RTCA: variants seen among roughly 807,000 people sequenced by gnomAD.
RTCA encodes RNA terminal phosphate cyclase domain 1.
RTCA carries 37 observed loss-of-function variants against 46.1 expected under a neutral mutation model. The ratio of observed to expected loss-of-function variants is 0.80; its 90% CI spans 0.62 to 1.06. The LOEUF (loss-of-function observed/expected upper bound fraction) is 1.06. RTCA is among the 50% of genes least tolerant of loss of function. The probability of loss-of-function intolerance (pLI) is 0.00; values close to 1 mark genes in which losing one functional copy is unlikely to be tolerated. For missense variants in RTCA, 435 were observed against 455.5 expected (o/e 0.95, Z 0.41); for synonymous variants, 164 against 158.3 (o/e 1.04, Z -0.27).
intron 10 of RTCA, 83 bp from the exon 11 acceptor site, chr1:100,291,320 C>A: frequency 1.2e-6 from 1 of 802,640 alleles, no homozygotes; most frequent in Non-Finnish European, 2.0e-6. Context: ...TTGACATTAA[C>A]TCTCTGCCTA....
intron 4 of RTCA, among the ~76,000 whole-genome samples, chr1:100,272,470 A>G (rs1666151267): frequency 1.3e-5 from 2 of 152,180 alleles, no homozygotes; most frequent in African/African-American, 4.8e-5. Flanking sequence ...TTCTGTATCC[A>G]TCCTAGCACT....
chr1:100,283,530 G>T (rs1666835919), intron 8 of RTCA, among the ~76,000 whole-genome samples: 1 of 152,018 alleles, frequency 6.6e-6, no homozygotes, highest in South Asian at 2.1e-4. Flanking sequence ...TCAGATAAGG[G>T]TTACTCAACC....
intron 4 of RTCA, among the ~76,000 whole-genome samples, chr1:100,273,056 A>C (rs1379622660): frequency 6.6e-6 from 1 of 152,144 alleles, no homozygotes; most frequent in African/African-American, 2.4e-5. Context: ...AATGCTCTTC[A>C]CCAATACCCC....
chr1:100,267,483 A>C, intron 2 of RTCA: 1 of 1,527,244 alleles, frequency 6.5e-7, no homozygotes, highest in Non-Finnish European at 8.8e-7. Context: ...AAACAACAGA[A>C]ATTTATTTCC....
chr1:100,266,359 G>C lies in RTCA; in HGVS notation c.-17G>C. 6.2e-7 allele frequency: 1 copy of C among 1,611,606 alleles called. No individual in the cohort carries two copies. The highest frequency in any genetic ancestry group is 1.7e-5 in the Admixed American group (1 of 59,174). On this transcript the variant is annotated 5_prime_UTR_variant, in exon 1 of 11. Coordinates refer to ENST00000370128, the MANE Select transcript of RTCA (RefSeq NM_003729.4). The stretch of plus-strand genomic sequence containing the variant: ...CGGAGGCTTTGTCGCTGCGGGCTGG[G>C]CCCCAGGGTGTCCCCCATGGCGGGG...
Position 100,291,394 on chromosome 1 carries a change from T to A in RTCA, c.1000-9T>A. 6.3e-7 allele frequency: 1 copy of A among 1,588,674 alleles called. No individual in the cohort carries two copies. The highest frequency in any genetic ancestry group is 8.6e-7 in the Non-Finnish European group (1 of 1,160,676). ...TCGTATTACTTATATACTCCTCTTC[T>A]GATTTCAGGCTAAATTTATTGTGAA... On this transcript the variant is annotated splice_polypyrimidine_tract_variant and intron_variant, in intron 10 of 10. Coordinates refer to ENST00000370128, the MANE Select transcript of RTCA (RefSeq NM_003729.4).
intron 2 of RTCA, chr1:100,267,479 CAG>C (rs1243169278): frequency 6.6e-7 from 1 of 1,523,522 alleles, no homozygotes; most frequent in East Asian, 2.5e-5. Context: ...GCTTAAACAA[CAG>C]AAATTTATTT....
At position 100,292,140 on chromosome 1, in the gene RTCA, G is replaced by C. The variant is rs1481428275; in HGVS notation, c.*636G>C. The C allele has an allele frequency of 6.6e-6, 1 of 152,070 alleles. No individual in the cohort carries two copies. Among genetic ancestry groups the C allele is most frequent in the Admixed American group, 6.6e-5 (1 of 15,242 alleles). 9.4% of individuals were successfully genotyped at this position (152,070 alleles called of 1,614,324 possible). On this transcript the variant is annotated 3_prime_UTR_variant, in exon 11 of 11. Coordinates refer to ENST00000370128, the MANE Select transcript of RTCA (RefSeq NM_003729.4). ...TCACCATATTGGTCAGGCTGGTTTC[G>C]AACTCCTGACCTCGTGATCTGCCCG...
intron 3 of RTCA, among the ~76,000 whole-genome samples, chr1:100,268,555 C>T (rs1456028339): frequency 6.6e-6 from 1 of 152,042 alleles, no homozygotes; most frequent in Non-Finnish European, 1.5e-5. Context: ...AGCACCATGC[C>T]CCGCTAATTT....
intron 3 of RTCA, 28 bp downstream of exon 3, chr1:100,268,323 G>T: frequency 6.4e-7 from 1 of 1,552,458 alleles, no homozygotes; most frequent in South Asian, 1.2e-5. Context: ...TTCCATTTAA[G>T]TAACCTGGGT....
chr1:100,282,795 T>G (rs1666785175), intron 8 of RTCA, among the ~76,000 whole-genome samples: 3 of 152,222 alleles, frequency 2.0e-5, no homozygotes, highest in African/African-American at 7.2e-5. Context: ...TGAACATTAA[T>G]GAATTTCAGG....
rs1665785354 is a variant in RTCA at position 100,266,544 on chromosome 1, C to T, written c.66C>T (p.Val22=). The T allele has an allele frequency of 6.2e-7, 1 of 1,613,724 alleles. No homozygotes were observed. Among genetic ancestry groups the T allele is most frequent in the Middle Eastern group, 1.7e-4 (1 of 6,056 alleles). The change falls in exon 2 of 11, where the codon GTC becomes GTT. Residue 22 remains valine (V), a synonymous_variant. Coordinates refer to ENST00000370128, the MANE Select transcript of RTCA (RefSeq NM_003729.4). ...IMEGGGQILR[V]STALSCLLGL... ...TGCAGGGCGGCCAGATCCTGAGAGT[C>T]TCTACGGCCTTGAGCTGTCTCCTAG...
In RTCA at chr1:100,275,643, G is replaced by A; in HGVS notation, c.660G>A (p.Lys220=). The change falls in exon 7 of 11, where the codon AAG becomes AAA. Residue 220 remains lysine (K), a synonymous_variant. Coordinates refer to ENST00000370128, the MANE Select transcript of RTCA (RefSeq NM_003729.4). ...CGGCAGCAGTTAGATGCATCAGAAA[G>A]GAGATCCGGGATTTGTATGTTAACA... ...MAAAAVRCIR[K]EIRDLYVNIQ... 6.2e-7 allele frequency: 1 copy of A among 1,612,322 alleles called. No individual in the cohort carries two copies. Among genetic ancestry groups the A allele is most frequent in the Non-Finnish European group, 8.5e-7 (1 of 1,179,102 alleles).
intron 8 of RTCA, among the ~76,000 whole-genome samples, chr1:100,282,986 A>G (rs1351152837): frequency 1.3e-5 from 2 of 150,250 alleles, no homozygotes; most frequent in Non-Finnish European, 3.0e-5. Flanking sequence ...TAGTAGAGAC[A>G]GAGTTTCACC....
intron 4 of RTCA, 91 bp downstream of exon 4, chr1:100,270,771 A>T (rs1284146878): frequency 4.2e-6 from 6 of 1,427,550 alleles, no homozygotes; most frequent in Admixed American, 2.3e-5. Flanking sequence ...TTTTTTTGTG[A>T]CTTTCTTGTT....
At position 100,291,407 on chromosome 1, in the gene RTCA, A is replaced by C. The variant is rs912798320; in HGVS notation, c.1004A>C (p.Lys335Thr). 7.5e-6 allele frequency: 12 copies of C among 1,606,062 alleles called. No individual in the cohort carries two copies. The highest frequency in any genetic ancestry group is 9.4e-6 in the Non-Finnish European group (11 of 1,175,156). The part of the protein sequence containing the change: ...IHFAEQIAKA[K>T]FIVKKSEDEE... The stretch of plus-strand genomic sequence containing the variant: ...ATACTCCTCTTCTGATTTCAGGCTA[A>C]ATTTATTGTGAAGAAATCAGAAGAT... Residue 335 changes from lysine (K) to threonine (T), a missense_variant, in exon 11 of 11, where the codon AAA (lysine) becomes ACA (threonine). Physicochemically the swap from Lys to Thr is moderately conservative, Grantham distance 78 (BLOSUM62 -1). Coordinates refer to ENST00000370128, the MANE Select transcript of RTCA (RefSeq NM_003729.4).
At chr1:100,283,935 G>GAAAAAAAAAAAAAAAAAAAAAAAAA (rs763030720) in intron 8 of RTCA, among the ~76,000 whole-genome samples, 1 of 55,108 alleles carries the variant, frequency 1.8e-5, no homozygotes, top group African/African-American at 4.0e-5. Context: ...AAAAAAAAAA[G>GAAAAAAAAAAAAAAAAAAAAAAAAA]AAAAAAAAAA....
At chr1:100,286,465 A>C (rs1023175204) in intron 9 of RTCA, among the ~76,000 whole-genome samples, 9 of 150,984 alleles carry the variant, frequency 6.0e-5, no homozygotes, top group Middle Eastern at 3.2e-3. Flanking sequence ...AAAAAAAAAA[A>C]AAAAAAAAAA....
At chr1:100,289,776 C>T (rs1053714807) in intron 10 of RTCA, among the ~76,000 whole-genome samples, 2 of 152,076 alleles carry the variant, frequency 1.3e-5, no homozygotes, top group African/African-American at 4.8e-5. Context: ...GTATCTTGGT[C>T]AGCTTTGTTG....
Sources: gnomAD v4.1 joint callset for allele counts (sites outside exome capture counted in the v4.1 genomes callset) on GRCh38, gnomAD v4.1.1 for gene constraint, MANE v1.5 for transcripts, NCBI Gene and HGNC (gene_info 2026-07-23, HGNC 2026-07-21) for gene names.